Variants in UBE2O observed in about 807,000 individuals in gnomAD.
UBE2O encodes (E3-independent) E2 ubiquitin-conjugating enzyme.
A neutral mutation model predicts 125.8 loss-of-function variants in UBE2O; 15 were observed. That is an observed-to-expected ratio of 0.12 (90% CI 0.08 to 0.18). The LOEUF is 0.18. Among genes scored for constraint, UBE2O ranks in the 10% least tolerant of loss-of-function variants. The pLI is 1.00. For missense variants in UBE2O, 1,280 were observed against 1,723.6 expected (o/e 0.74, Z 4.56); for synonymous variants, 708 against 703.2 (o/e 1.01, Z -0.11).
intron 1 of UBE2O, among the ~76,000 whole-genome samples, chr17:76,409,475 C>A (rs2072482032): frequency 1.3e-5 from 2 of 152,046 alleles, no homozygotes; most frequent in Admixed American, 6.5e-5. Context: ...CAGCTCACTG[C>A]AACCTCCGCC....
At position 76,389,684 on chromosome 17, in the gene UBE2O, GC is replaced by G. The variant is rs2143648503; in HGVS notation, c.*1258del. ...ACAAGATACCGACTCGGTTCCAAAT[GC>G]CACGGTGTGTGGTCCGGCTCCATCC... On this transcript the variant is annotated 3_prime_UTR_variant, in exon 18 of 18. Coordinates refer to ENST00000319380, the MANE Select transcript of UBE2O (RefSeq NM_022066.4). The G allele has an allele frequency of 6.6e-6, 1 of 152,350 alleles. No homozygotes were observed. Among genetic ancestry groups the G allele is most frequent in the East Asian group, 1.9e-4 (1 of 5,180 alleles). 9.4% of individuals were successfully genotyped at this position (152,350 alleles called of 1,614,324 possible).
intron 1 of UBE2O, among the ~76,000 whole-genome samples, chr17:76,425,934 C>G (rs915070536): frequency 6.6e-6 from 1 of 152,106 alleles, no homozygotes; most frequent in Admixed American, 6.6e-5. Flanking sequence ...GGGAAAAGTC[C>G]CTGGTTTTGG....
In UBE2O at chr17:76,398,517, G is replaced by A; in HGVS notation, c.1851C>T (p.Cys617=). ...GCCTCAGCTTGAACCACTTCACCAT[G>A]CAGGTACGGCCGATGTGGTCCCCAG... is the stretch of plus-strand genomic sequence containing the variant. ...VQSGDHIGRT[C]MVKWFKLRPS... is the part of the protein sequence containing the mutation. The change falls in exon 11 of 18, where the codon TGC becomes TGT. Residue 617 remains cysteine (C), a synonymous_variant. Coordinates refer to ENST00000319380, the MANE Select transcript of UBE2O (RefSeq NM_022066.4). This position sits in a 1 kb window ranked among gnomAD's most constrained non-coding sequence, Gnocchi z 5.4. 1 of 1,614,076 alleles carries A rather than the reference G, an allele frequency of 6.2e-7. No homozygotes were observed. Among genetic ancestry groups the A allele is most frequent in the East Asian group, 2.2e-5 (1 of 44,862 alleles).
intron 15 of UBE2O, among the ~76,000 whole-genome samples, chr17:76,394,065 C>CA (rs2072161796): frequency 6.6e-6 from 1 of 152,170 alleles, no homozygotes; most frequent in African/African-American, 2.4e-5. Flanking sequence ...AAGAAAAAAC[C>CA]AAAAGCGTTA....
At position 76,405,970 on chromosome 17, in the gene UBE2O, T is replaced by C. The variant is rs1273096807; in HGVS notation, c.418-398A>G. Among the ~76,000 whole-genome samples the C allele has an allele frequency of 1.3e-5, 2 of 152,248 alleles. No individual in the cohort carries two copies. Among genetic ancestry groups the C allele is most frequent in the Non-Finnish European group, 2.9e-5 (2 of 68,038 alleles). ...CAATCTTTTTTCTGCCCTCTGCAAG[T>C]GCCTGCCCTAGCTGATCAGTGCTGA... is the stretch of plus-strand genomic sequence containing the variant. On this transcript the variant is annotated intron_variant, in intron 1 of 17. Coordinates refer to ENST00000319380, the MANE Select transcript of UBE2O (RefSeq NM_022066.4). This position sits in a 1 kb window ranked among gnomAD's most constrained non-coding sequence, Gnocchi z 6.1.
Position 76,452,708 on chromosome 17 carries a change from G to GC in UBE2O, c.417+16dup. 7.3e-7 allele frequency: 1 copy of GC among 1,374,622 alleles called. No individual in the cohort carries two copies. The highest frequency in any genetic ancestry group is 9.3e-7 in the Non-Finnish European group (1 of 1,071,658). The allele number at this position is 1,374,622 out of a possible 1,614,324, so 85.2% of individuals were successfully genotyped here. ...GACCCCCTGCCGCCCGCGCCGCCCA[G>GC]CCCCCGCCCGCCGCACCTTGGTCTC... On this transcript the variant is annotated intron_variant, in intron 1 of 17. Coordinates refer to ENST00000319380, the MANE Select transcript of UBE2O (RefSeq NM_022066.4). This position sits in a 1 kb window ranked among gnomAD's most constrained non-coding sequence, Gnocchi z 4.4.
At chr17:76,403,632 G>T (rs542536689) in intron 3 of UBE2O, among the ~76,000 whole-genome samples, 3 of 152,122 alleles carry the variant, frequency 2.0e-5, no homozygotes, top group Non-Finnish European at 4.4e-5. Context: ...ATATTTAGAT[G>T]TGTGTATACA....
Position 76,398,801 on chromosome 17 carries a change from C to A in UBE2O, c.1783+36G>T. The A allele has an allele frequency of 1.2e-6, 2 of 1,605,136 alleles. No individual in the cohort carries two copies. The highest frequency in any genetic ancestry group is 1.7e-6 in the Non-Finnish European group (2 of 1,175,052). On this transcript the variant is annotated intron_variant, in intron 10 of 17. Coordinates refer to ENST00000319380, the MANE Select transcript of UBE2O (RefSeq NM_022066.4). The surrounding 1 kb of genome is among the most constrained non-coding windows in gnomAD (Gnocchi z 5.4). ...CCCCAACCCGGGCCCTCATTGGCGA[C>A]CACCCTGCTGGCTGCCCTTCCAGAG...
chr17:76,397,731 C>T (rs900327942), intron 13 of UBE2O, 68 bp downstream of exon 13: 14 of 1,486,218 alleles, frequency 9.4e-6, no homozygotes, highest in South Asian at 3.4e-5. Context: ...TCTGGCTACA[C>T]GCCTGTGGCC....
chr17:76,416,205 T>C (rs1384643498), intron 1 of UBE2O, among the ~76,000 whole-genome samples: 1 of 151,082 alleles, frequency 6.6e-6, no homozygotes, highest in Non-Finnish European at 1.5e-5. Flanking sequence ...TGTATATGTG[T>C]GTGTATATGT....
chr17:76,423,896 C>CTTTTCTT (rs2072753938), intron 1 of UBE2O, among the ~76,000 whole-genome samples: 1 of 83,470 alleles, frequency 1.2e-5, no homozygotes, highest in African/African-American at 4.8e-5. Flanking sequence ...AGGTTGGGTT[C>CTTTTCTT]TTTTTTTTTT....
rs147713864 is a variant in UBE2O, at chr17:76,396,631, G to A, written c.2306C>T (p.Pro769Leu). Reference sequence around the variant, plus strand: ...ACTGATCACCACTCCCTTGTCCTCAGGGGCCACCGGCTGCTCCAGGGGTGG... The same window carrying A: ...ACTGATCACCACTCCCTTGTCCTCAAGGGCCACCGGCTGCTCCAGGGGTGG... ...PIPPLEQPVA[P>L]EDKGVVISEE... is the part of the protein sequence containing the mutation. The change falls in exon 14 of 18, where the codon CCT (proline) becomes CTT (leucine). Residue 769 changes from proline to leucine, a missense_variant. Pro to Leu is a moderately conservative substitution (Grantham distance 98). This residue lies in a region of UBE2O where 210 missense variants were observed against 268.9 expected (regional missense o/e 0.78). Transcript: ENST00000319380. The surrounding 1 kb of genome is among the most constrained non-coding windows in gnomAD (Gnocchi z 6.7). The A allele has an allele frequency of 2.5e-6, 4 of 1,613,084 alleles. No individual in the cohort carries two copies. Among genetic ancestry groups the A allele is most frequent in the African/African-American group, 1.3e-5 (1 of 74,898 alleles).
At chr17:76,401,998 A>G (rs2072334448) in intron 5 of UBE2O, 66 bp downstream of exon 5, 2 of 1,539,406 alleles carry the variant, frequency 1.3e-6, no homozygotes, top group Non-Finnish European at 1.8e-6. Context: ...GGTCTTTGCT[A>G]CGAAGTCCTC....
Position 76,398,410 on chromosome 17 carries a change from G to T in UBE2O, c.1897-27C>A. The T allele has an allele frequency of 6.2e-7, 1 of 1,614,096 alleles. No individual in the cohort carries two copies. Among genetic ancestry groups the T allele is most frequent in the Non-Finnish European group, 8.5e-7 (1 of 1,180,022 alleles). On this transcript the variant is annotated intron_variant, in intron 11 of 17. Transcript: ENST00000319380. The surrounding 1 kb of genome is among the most constrained non-coding windows in gnomAD (Gnocchi z 5.4). Reference sequence around the variant, plus strand: ...TGTGGCACAGGACAGGTTGTCATGAGCTAGGGGTCCTACACCCAACCCCAG... The same window carrying T: ...TGTGGCACAGGACAGGTTGTCATGATCTAGGGGTCCTACACCCAACCCCAG...
intron 1 of UBE2O, chr17:76,430,588 G>T (rs2143844935): frequency 1.7e-5 from 5 of 287,994 alleles, no homozygotes; most frequent in South Asian, 1.3e-4. Flanking sequence ...ATGCCATATT[G>T]ACCATGAGAC....
rs1428345469 is a variant in UBE2O, at chr17:76,398,263, CCTT to C, written c.2014_2016del (p.Lys672del). 56 of 1,614,120 alleles carry C rather than the reference CCTT, an allele frequency of 3.5e-5. No individual in the cohort carries two copies. Among genetic ancestry groups the C allele is most frequent in the Non-Finnish European group, 4.2e-5 (50 of 1,180,034 alleles). On this transcript the variant is annotated inframe_deletion, in exon 12 of 18. Transcript: ENST00000319380. The surrounding 1 kb of genome is among the most constrained non-coding windows in gnomAD (Gnocchi z 5.4). The stretch of plus-strand genomic sequence containing the variant: ...TGAATTTGAAGGCGTACCTCATCCT[CCTT>C]GTGAGGAGCCCCATCCTCAGTATTG...
chr17:76,412,108 C>G (rs1018581966), intron 1 of UBE2O, among the ~76,000 whole-genome samples: 4 of 152,158 alleles, frequency 2.6e-5, no homozygotes, highest in African/African-American at 9.7e-5. Context: ...ACGACCAGCC[C>G]CACACTAGGT....
At chr17:76,415,807 G>C (rs1393650843) in intron 1 of UBE2O, among the ~76,000 whole-genome samples, 3 of 151,532 alleles carry the variant, frequency 2.0e-5, no homozygotes, top group East Asian at 4.0e-4. Flanking sequence ...GTGTGTGTGT[G>C]TGTGTGTGTG....
rs150536678 is a variant in UBE2O at position 76,391,630 on chromosome 17, C to A, written c.3209-17G>T. The A allele has an allele frequency of 6.2e-7, 1 of 1,604,954 alleles. No individual in the cohort carries two copies. Among genetic ancestry groups the A allele is most frequent in the Non-Finnish European group, 8.5e-7 (1 of 1,173,760 alleles). On this transcript the variant is annotated splice_polypyrimidine_tract_variant and intron_variant, in intron 17 of 17. Transcript: ENST00000319380. This position sits in a 1 kb window ranked among gnomAD's most constrained non-coding sequence, Gnocchi z 8.4. ...GGATCAGACCTGTGTGGGCGGGACA[C>A]CTTCCCTCAGTGGGTGAGAGAGGCC...
Sources: gnomAD v4.1 joint callset for allele counts (sites outside exome capture counted in the v4.1 genomes callset) on GRCh38, gnomAD v4.1.1 for gene constraint, gnomAD v4.1.1 regional missense constraint, Gnocchi (gnomAD v3.1) non-coding constraint, MANE v1.5 for transcripts, NCBI Gene and HGNC (gene_info 2026-07-23, HGNC 2026-07-21) for gene names.